Variants in GLIS3 observed in about 807,000 individuals in gnomAD.
GLIS3 encodes GLIS family zinc finger 3, also known as zinc finger protein GLIS3.
GLIS3 carries 53 observed loss-of-function variants against 78.6 expected under a neutral mutation model. The ratio of observed to expected loss-of-function variants is 0.67; its 90% CI spans 0.54 to 0.85. GLIS3 has a LOEUF of 0.85. Among genes scored for constraint, GLIS3 ranks in the 40% least tolerant of loss-of-function variants. The pLI is 0.00. For missense variants in GLIS3, 1,703 were observed against 1,231.1 expected (o/e 1.38, Z -5.74); for synonymous variants, 684 against 509.9 (o/e 1.34, Z -4.60).
intron 6 of GLIS3, among the ~76,000 whole-genome samples, chr9:3,903,656 A>T (rs1823470789): frequency 6.6e-6 from 1 of 152,228 alleles, no homozygotes; most frequent in South Asian, 2.1e-4. Flanking sequence ...ATACAACAGC[A>T]ATCAAAACAA....
intron 2 of GLIS3, among the ~76,000 whole-genome samples, chr9:4,172,563 G>C (rs560942903): frequency 3.9e-5 from 6 of 152,082 alleles, no homozygotes; most frequent in Non-Finnish European, 8.8e-5. Flanking sequence ...TCTGGACCTG[G>C]GTTTTGGTAG....
At chr9:3,945,098 C>T (rs561879461) in intron 4 of GLIS3, among the ~76,000 whole-genome samples, 217 of 152,296 alleles carry the variant, frequency 1.4e-3, no homozygotes, top group Non-Finnish European at 3.7e-4. Context: ...TAAGGCCCCA[C>T]CTCTCAGCAC....
intron 2 of GLIS3, among the ~76,000 whole-genome samples, chr9:4,265,213 C>G (rs945761535): frequency 6.6e-6 from 1 of 151,214 alleles, no homozygotes; most frequent in South Asian, 2.1e-4. Flanking sequence ...TTTGCCTTCA[C>G]AAGGTCTACA....
At chr9:4,272,493 G>A (rs1826607719) in intron 2 of GLIS3, among the ~76,000 whole-genome samples, 1 of 152,086 alleles carries the variant, frequency 6.6e-6, no homozygotes, top group Admixed American at 6.6e-5. Flanking sequence ...GTGTGCTTGG[G>A]CAAGTTTCTT....
At chr9:4,423,412 C>G in the GLIS3 span, among the ~76,000 whole-genome samples, 1 of 152,058 alleles carries the variant, frequency 6.6e-6, no homozygotes, top group Non-Finnish European at 1.5e-5. Flanking sequence ...CCAGCTGGAT[C>G]CAGAGAAAGC....
chr9:4,386,929 G>A, the GLIS3 span, among the ~76,000 whole-genome samples: 2 of 152,076 alleles, frequency 1.3e-5, no homozygotes, highest in Non-Finnish European at 2.9e-5. Context: ...TGCTGGCTTG[G>A]GGCATAGTCC....
the GLIS3 span, among the ~76,000 whole-genome samples, chr9:4,362,372 T>C: frequency 6.6e-6 from 1 of 152,252 alleles, no homozygotes; most frequent in Non-Finnish European, 1.5e-5. Flanking sequence ...ATAAAAGAAA[T>C]TGCTGTATCA....
At chr9:4,153,417 A>G (rs928496143) in intron 2 of GLIS3, among the ~76,000 whole-genome samples, 18 of 152,276 alleles carry the variant, frequency 1.2e-4, no homozygotes, top group African/African-American at 4.1e-4. Context: ...TACAAAAATT[A>G]GCCAGGTGTG....
chr9:4,223,288 T>G (rs1821490455), intron 2 of GLIS3, among the ~76,000 whole-genome samples: 1 of 152,236 alleles, frequency 6.6e-6, no homozygotes, highest in African/African-American at 2.4e-5. Flanking sequence ...ACTTCTACTG[T>G]GTCACTTTGG....
intron 2 of GLIS3, among the ~76,000 whole-genome samples, chr9:4,330,990 T>C (rs1488227682): frequency 1.3e-5 from 2 of 152,226 alleles, no homozygotes; most frequent in African/African-American, 4.8e-5. Context: ...GCTACATGCA[T>C]GTCACCATAA....
chr9:3,987,668 G>A (rs1447963353), intron 4 of GLIS3, among the ~76,000 whole-genome samples: 5 of 146,058 alleles, frequency 3.4e-5, no homozygotes, highest in Admixed American at 1.4e-4. Context: ...CTGCACCCCA[G>A]TCTGGGCGAC....
In GLIS3 at chr9:4,030,762, G is replaced by A. The variant is rs180822983; in HGVS notation, c.1710+87006C>T. Among the ~76,000 whole-genome samples, 7 of 152,282 alleles carry A rather than the reference G, an allele frequency of 4.6e-5. No homozygotes were observed. In the East Asian group the frequency reaches 1.3e-3, roughly 29 times the overall value. ...ACTGGAACTTCACATAACTCGCTGA[G>A]AGGTCAACAAAGAGTACAGGACACC... On this transcript the variant is annotated intron_variant, in intron 4 of 10. Transcript: ENST00000381971.
rs1191524755 is a variant in GLIS3, at chr9:3,826,648, G to A, written c.*1624C>T. 2 of 152,162 alleles carry A rather than the reference G, an allele frequency of 1.3e-5. No individual in the cohort carries two copies. The highest frequency in any genetic ancestry group is 1.5e-5 in the Non-Finnish European group (1 of 68,030). The allele number at this position is 152,162 out of a possible 1,614,324, so 9.4% of individuals were successfully genotyped here. ...ATGTTGGAATGAACTCTGGAATCAGGTAGAATACTTCCGCTTGTGGGACTG... is the reference window on the plus strand; with the variant it reads ...ATGTTGGAATGAACTCTGGAATCAGATAGAATACTTCCGCTTGTGGGACTG... On this transcript the variant is annotated 3_prime_UTR_variant, in exon 11 of 11. Coordinates refer to ENST00000381971, the MANE Select transcript of GLIS3 (RefSeq NM_001042413.2).
intron 7 of GLIS3, among the ~76,000 whole-genome samples, chr9:3,897,254 G>C (rs546570896): frequency 6.6e-6 from 1 of 152,102 alleles, no homozygotes; most frequent in Non-Finnish European, 1.5e-5. Context: ...GGTTAGTGTT[G>C]ACTGTTGACT....
intron 6 of GLIS3, among the ~76,000 whole-genome samples, chr9:3,906,837 G>A (rs1052549242): frequency 6.6e-6 from 1 of 152,142 alleles, no homozygotes; most frequent in African/African-American, 2.4e-5. Flanking sequence ...ACTGTACCAC[G>A]TACCATAAAT....
intron 4 of GLIS3, among the ~76,000 whole-genome samples, chr9:4,069,942 C>T (rs1037732481): frequency 6.6e-6 from 1 of 152,010 alleles, no homozygotes; most frequent in African/African-American, 2.4e-5. Flanking sequence ...TGGACATTCT[C>T]CAGCTGTCCC....
At chr9:4,268,965 G>A (rs779009958) in intron 2 of GLIS3, among the ~76,000 whole-genome samples, 1 of 152,176 alleles carries the variant, frequency 6.6e-6, no homozygotes, top group African/African-American at 2.4e-5. Context: ...TACTTCAACA[G>A]CTGTTTAACA....
At chr9:4,294,673 A>C (rs979042198) in intron 1 of GLIS3, among the ~76,000 whole-genome samples, 6 of 150,888 alleles carry the variant, frequency 4.0e-5, no homozygotes, top group Admixed American at 6.6e-5. Context: ...CCTGTGTTTC[A>C]CTTTCCTGTC....
At chr9:4,143,782 T>A (rs1833998483) in intron 2 of GLIS3, among the ~76,000 whole-genome samples, 1 of 152,164 alleles carries the variant, frequency 6.6e-6, no homozygotes, top group Non-Finnish European at 1.5e-5. Context: ...TGCTATGAGT[T>A]CCAGCATTTT....
Sources: allele counts gnomAD v4.1 joint callset (sites outside exome capture counted in the v4.1 genomes callset), GRCh38; gene constraint gnomAD v4.1.1; transcripts MANE v1.5; gene names NCBI Gene and HGNC (gene_info 2026-07-23, HGNC 2026-07-21).